The following CHMP2A variants were observed in gnomAD, a reference collection of about 807,000 sequenced individuals.
CHMP2A encodes the protein VPS2 homolog A.
In CHMP2A, 6 loss-of-function variants were observed where a neutral mutation model predicts 21.8. The observed-to-expected ratio is 0.28, with a 90% CI of 0.15 to 0.54. The LOEUF (loss-of-function observed/expected upper bound fraction) is 0.54, where lower values mean the gene tolerates loss of function less well. CHMP2A is among the 20% of genes least tolerant of loss of function. The pLI is 0.95. For missense variants in CHMP2A, 303 were observed against 293.9 expected, an observed-to-expected ratio of 1.03 and a Z score of -0.23; for synonymous variants, 125 against 107.0, an observed-to-expected ratio of 1.17 and a Z score of -1.04.
chr19:58,553,563 G>A (rs1384964223), intron 2 of CHMP2A, among the ~76,000 whole-genome samples: 1 of 150,380 alleles, frequency 6.6e-6, no homozygotes, highest in Non-Finnish European at 1.5e-5. Flanking sequence ...AGTAGAGACG[G>A]GGTTACTCTG....
rs779224472 is a variant in CHMP2A, at chr19:58,551,987, CAG to C, written c.480-22_480-21del. On this transcript the variant is annotated intron_variant, in intron 4 of 5. Coordinates refer to ENST00000312547, the MANE Select transcript of CHMP2A (RefSeq NM_014453.4). ...GCATCACTAGGGAAGAGAGAGAACT[CAG>C]TGAGGGCTATGCACTCCGTGAGGGC... The C allele has an allele frequency of 2.5e-6, 4 of 1,614,204 alleles. No homozygotes were observed. The Admixed American group carries it at 5.0e-5, about 20-fold the overall frequency.
chr19:58,553,849 C>T, intron 2 of CHMP2A, 196 bp downstream of exon 2: 1 of 658,516 alleles, frequency 1.5e-6, no homozygotes, highest in Non-Finnish European at 2.7e-6. Context: ...TAGGCTCACT[C>T]TCATCACTCA....
In CHMP2A at chr19:58,554,318, G is replaced by T. The variant is rs1245663865; in HGVS notation, c.-24-82C>A. ...AGCAGAACAGGGTCACGGGAGCCTTGCCAAATGGGAAGGGGCTAACGGAGA... is the reference window on the plus strand; with the variant it reads ...AGCAGAACAGGGTCACGGGAGCCTTTCCAAATGGGAAGGGGCTAACGGAGA... On this transcript the variant is annotated intron_variant, in intron 1 of 5. Coordinates refer to ENST00000312547, the MANE Select transcript of CHMP2A (RefSeq NM_014453.4). 3 of 1,311,720 alleles carry T rather than the reference G, an allele frequency of 2.3e-6. No homozygotes were observed. In the East Asian group the frequency reaches 7.0e-5, roughly 31 times the overall value. 81.3% of individuals were successfully genotyped at this position (1,311,720 alleles called of 1,614,324 possible).
chr19:58,554,300 C>T, intron 1 of CHMP2A, 64 bp from the exon 2 acceptor site: 2 of 1,474,790 alleles, frequency 1.4e-6, no homozygotes, highest in Non-Finnish European at 1.8e-6. Context: ...AGAAGCAGAA[C>T]AGGGTCACGG....
chr19:58,554,445 G>A, intron 1 of CHMP2A: 1 of 523,260 alleles, frequency 1.9e-6, no homozygotes, highest in Non-Finnish European at 3.4e-6. Flanking sequence ...TTATCCAAGT[G>A]CTGGCCCGAG....
At position 58,552,401 on chromosome 19, in the gene CHMP2A, G is replaced by A; in HGVS notation, c.206C>T (p.Thr69Ile). The A allele has an allele frequency of 6.2e-7, 1 of 1,614,164 alleles. No individual in the cohort carries two copies. The highest frequency in any genetic ancestry group is 8.5e-7 in the Non-Finnish European group (1 of 1,180,034). ...VRIMAKDLVR[T>I]RRYVRKFVLM... is the part of the protein sequence containing the mutation. ...TACAAACTTGCGCACATAGCGCCGG[G>A]TGCGCACCAAGTCTTTTGCCATGAT... is the stretch of plus-strand genomic sequence containing the variant. Residue 69 changes from threonine (T) to isoleucine (I), a missense_variant, in exon 3 of 6, where the codon ACC becomes ATC. Transcript: ENST00000312547.
At chr19:58,554,496 G>C (rs920721783) in intron 1 of CHMP2A, 1 of 429,326 alleles carries the variant, frequency 2.3e-6, no homozygotes, top group East Asian at 4.6e-5. Context: ...GTTATGGCTT[G>C]CAAGTTCAGC....
At position 58,551,946 on chromosome 19, in the gene CHMP2A, A is replaced by C. The variant is rs2053831983; in HGVS notation, c.501T>G (p.Val167=). 1.2e-6 allele frequency: 2 copies of C among 1,614,006 alleles called. No individual in the cohort carries two copies. The highest frequency in any genetic ancestry group is 1.6e-4 in the Middle Eastern group (1 of 6,084). ...TTAGGCTAAGTCCCAGCTCATCCAGAACCTGGGACACCACAGCATCACTAG... is the reference window on the plus strand; with the variant it reads ...TTAGGCTAAGTCCCAGCTCATCCAGCACCTGGGACACCACAGCATCACTAG... ...EEESDAVVSQ[V]LDELGLSLTD... Residue 167 remains valine (V), a synonymous_variant, in exon 5 of 6, where the codon GTT becomes GTG. Coordinates refer to ENST00000312547, the MANE Select transcript of CHMP2A (RefSeq NM_014453.4).
chr19:58,552,516 C>T (rs2053844579), intron 2 of CHMP2A, 78 bp from the exon 3 acceptor site: 5 of 1,418,088 alleles, frequency 3.5e-6, no homozygotes, highest in Non-Finnish European at 3.8e-6. Context: ...AGTTGGTTGT[C>T]CCTCCCCACC....
intron 2 of CHMP2A, among the ~76,000 whole-genome samples, chr19:58,553,133 C>T (rs543186250): frequency 1.3e-5 from 2 of 151,860 alleles, no homozygotes; most frequent in Admixed American, 1.3e-4. Context: ...TCTTGGCTCA[C>T]TGCAAACTGT....
At chr19:58,551,884 G>C in intron 5 of CHMP2A, 22 bp downstream of exon 5, 1 of 1,614,090 alleles carries the variant, frequency 6.2e-7, no homozygotes, top group Non-Finnish European at 8.5e-7. Flanking sequence ...GGGAAATGGG[G>C]TCCAGGATTT....
In CHMP2A at chr19:58,551,655, C is replaced by T. The variant is rs1248899644; in HGVS notation, c.663G>A (p.Arg221=). ...DLEERLKNLR[R]D ...CTCGGAGTGGCAGGGGCACTCAGTC[C>T]CTCCGCAGGTTCTTAAGCCGTTCCT... Residue 221 remains arginine, a synonymous_variant, in exon 6 of 6, where the codon AGG becomes AGA. Coordinates refer to ENST00000312547, the MANE Select transcript of CHMP2A (RefSeq NM_014453.4). 1.2e-6 allele frequency: 2 copies of T among 1,613,528 alleles called. No individual in the cohort carries two copies. The highest frequency in any genetic ancestry group is 1.3e-5 in the African/African-American group (1 of 74,976).
At position 58,552,438 on chromosome 19, in the gene CHMP2A, C is replaced by T; in HGVS notation, c.169G>A (p.Asp57Asn). 1 of 1,613,028 alleles carries T rather than the reference C, an allele frequency of 6.2e-7. No individual in the cohort carries two copies. Among genetic ancestry groups the T allele is most frequent in the Non-Finnish European group, 8.5e-7 (1 of 1,179,324 alleles). Residue 57 changes from aspartate to asparagine, a missense_variant and splice_region_variant, in exon 3 of 6, where the codon GAT (aspartate) becomes AAT (asparagine). Transcript: ENST00000312547. ...IKKMAKQGQM[D>N]AVRIMAKDLV... ...TCTTTTGCCATGATGCGAACAGCATCCTGCAGAGTAGACAAGGGTATCAAG... is the reference window on the plus strand; with the variant it reads ...TCTTTTGCCATGATGCGAACAGCATTCTGCAGAGTAGACAAGGGTATCAAG...
chr19:58,552,787 CA>C (rs1369962306), intron 2 of CHMP2A, among the ~76,000 whole-genome samples: 1 of 152,214 alleles, frequency 6.6e-6, no homozygotes, highest in Admixed American at 6.5e-5. Context: ...TTTTTATTCC[CA>C]GCCTAGACAA....
intron 2 of CHMP2A, among the ~76,000 whole-genome samples, chr19:58,552,689 AAAAG>A (rs2053846986): frequency 6.6e-6 from 1 of 152,152 alleles, no homozygotes; most frequent in Non-Finnish European, 1.5e-5. Flanking sequence ...TGTAAATGGT[AAAAG>A]AAAGGCCCCA....
rs935635133 is a variant in CHMP2A at position 58,554,325 on chromosome 19, G to T, written c.-24-89C>A. On this transcript the variant is annotated intron_variant, in intron 1 of 5. Coordinates refer to ENST00000312547, the MANE Select transcript of CHMP2A (RefSeq NM_014453.4). The stretch of plus-strand genomic sequence containing the variant: ...CAGGGTCACGGGAGCCTTGCCAAAT[G>T]GGAAGGGGCTAACGGAGACTGGAGG... The T allele has an allele frequency of 1.5e-5, 18 of 1,213,490 alleles. No individual in the cohort carries two copies. The Admixed American group carries it at 1.9e-4, about 13-fold the overall frequency. The allele number at this position is 1,213,490 out of a possible 1,614,324, so 75.2% of individuals were successfully genotyped here.
At chr19:58,553,644 A>C (rs916492570) in intron 2 of CHMP2A, 1 of 263,030 alleles carries the variant, frequency 3.8e-6, no homozygotes, top group Non-Finnish European at 7.4e-6. Flanking sequence ...AAGTGCTGGG[A>C]TTACAGGTCT....
Position 58,551,701 on chromosome 19 carries a change from G to C in CHMP2A, c.617C>G (p.Ala206Gly). The C allele has an allele frequency of 6.2e-7, 1 of 1,614,142 alleles. No individual in the cohort carries two copies. The highest frequency in any genetic ancestry group is 8.5e-7 in the Non-Finnish European group (1 of 1,180,034). ...TTCCTCCAGGTCTGCATCAGCATCA[G>C]CTAGGGCTGAGGCTGCGGCCTCTGC... is the stretch of plus-strand genomic sequence containing the variant. ...KKAEAAASAL[A>G]DADADLEERL... Residue 206 changes from alanine to glycine, a missense_variant, in exon 6 of 6, where the codon GCT becomes GGT. Coordinates refer to ENST00000312547, the MANE Select transcript of CHMP2A (RefSeq NM_014453.4).
Position 58,552,853 on chromosome 19 carries a change from TCA to T in CHMP2A, c.169-417_169-416del, listed in dbSNP as rs541853606. ...AACCCATACCTCGAACTATCCAGAA[TCA>T]CATACAGACCTATCTGAGGCTCAGC... On this transcript the variant is annotated intron_variant, in intron 2 of 5. Coordinates refer to ENST00000312547, the MANE Select transcript of CHMP2A (RefSeq NM_014453.4). Among the ~76,000 whole-genome samples, 33 of 152,200 alleles carry T rather than the reference TCA, an allele frequency of 2.2e-4. 1 individual carries two copies. Among genetic ancestry groups the T allele is most frequent in the Non-Finnish European group, 3.4e-4 (23 of 68,036 alleles).
Sources: allele counts gnomAD v4.1 joint callset (sites outside exome capture counted in the v4.1 genomes callset), GRCh38; gene constraint gnomAD v4.1.1; transcripts MANE v1.5; gene names NCBI Gene and HGNC (gene_info 2026-07-23, HGNC 2026-07-21).